Variants in GPC6 observed in about 807,000 individuals in gnomAD.
GPC6 encodes the protein glypican 6.
Under a neutral mutation model 55.2 loss-of-function variants are expected in GPC6, and 14 were observed. The observed-to-expected ratio is 0.25, with a 90% CI of 0.17 to 0.40. GPC6 has a LOEUF of 0.40. Among genes scored for constraint, GPC6 ranks in the 10% least tolerant of loss-of-function variants. GPC6 has a pLI of 1.00. For missense variants in GPC6, 641 were observed against 708.5 expected, an observed-to-expected ratio of 0.90 and a Z score of 1.08; for synonymous variants, 278 against 259.6, an observed-to-expected ratio of 1.07 and a Z score of -0.68.
At chr13:93,378,862 G>C (rs1274067483) in intron 1 of GPC6, among the ~76,000 whole-genome samples, 2 of 151,836 alleles carry the variant, frequency 1.3e-5, no homozygotes, top group Non-Finnish European at 2.9e-5. Flanking sequence ...AGGTGTGGTG[G>C]TGGGTGCCTG....
At chr13:93,488,652 G>A (rs1879828724) in intron 1 of GPC6, among the ~76,000 whole-genome samples, 1 of 152,092 alleles carries the variant, frequency 6.6e-6, no homozygotes, top group Non-Finnish European at 1.5e-5. Context: ...ACTTTTTAAT[G>A]ATCGCCATTC....
chr13:93,652,369 C>T (rs1179095695), intron 2 of GPC6, among the ~76,000 whole-genome samples: 1 of 152,170 alleles, frequency 6.6e-6, no homozygotes, highest in Non-Finnish European at 1.5e-5. Flanking sequence ...TTCCCCATTA[C>T]CTCTACTCTG....
intron 6 of GPC6, among the ~76,000 whole-genome samples, chr13:94,323,456 C>T (rs1037292642): frequency 6.6e-6 from 1 of 152,086 alleles, no homozygotes; most frequent in African/African-American, 2.4e-5. Context: ...ATAGATTAAG[C>T]TTAGCTGTTA....
At chr13:93,891,506 C>T (rs1312403403) in intron 3 of GPC6, among the ~76,000 whole-genome samples, 1 of 152,154 alleles carries the variant, frequency 6.6e-6, no homozygotes, top group African/African-American at 2.4e-5. Flanking sequence ...TGCAGAAACA[C>T]AGCTCTGGTC....
chr13:94,133,462 G>A (rs938808538), intron 4 of GPC6, among the ~76,000 whole-genome samples: 1 of 152,068 alleles, frequency 6.6e-6, no homozygotes, highest in African/African-American at 2.4e-5. Context: ...AACAGGGAAT[G>A]TATTCATTTT....
At chr13:93,249,647 C>T (rs1364385373) in intron 1 of GPC6, among the ~76,000 whole-genome samples, 1 of 152,190 alleles carries the variant, frequency 6.6e-6, no homozygotes, top group Admixed American at 6.5e-5. Flanking sequence ...TTTGATTTCA[C>T]TTTGGTCCAA....
chr13:93,643,450 A>G (rs1368636259), intron 2 of GPC6, among the ~76,000 whole-genome samples: 3 of 152,234 alleles, frequency 2.0e-5, no homozygotes, highest in Middle Eastern at 3.4e-3. Context: ...GAAATGACCC[A>G]AAGAAGTGGC....
intron 2 of GPC6, among the ~76,000 whole-genome samples, chr13:93,571,169 C>A (rs142039428): frequency 7.2e-5 from 11 of 152,066 alleles, no homozygotes; most frequent in African/African-American, 2.4e-4. Context: ...ACAGGGAGAT[C>A]TAGATTTGGC....
At chr13:93,292,782 G>A (rs1056245622) in intron 1 of GPC6, among the ~76,000 whole-genome samples, 1 of 152,028 alleles carries the variant, frequency 6.6e-6, no homozygotes, top group Non-Finnish European at 1.5e-5. Context: ...TATTCATTTA[G>A]TATTCAAATA....
At chr13:94,378,506 GA>G (rs1280546826) in intron 6 of GPC6, among the ~76,000 whole-genome samples, 2 of 152,122 alleles carry the variant, frequency 1.3e-5, no homozygotes, top group Non-Finnish European at 2.9e-5. Context: ...GTATGAGAAG[GA>G]TGCCCTCTCT....
chr13:93,849,269 T>C (rs1888311976), intron 3 of GPC6, among the ~76,000 whole-genome samples: 1 of 152,112 alleles, frequency 6.6e-6, no homozygotes, highest in Non-Finnish European at 1.5e-5. Flanking sequence ...TCTCCCACTT[T>C]ATTGTAAATA....
intron 2 of GPC6, among the ~76,000 whole-genome samples, chr13:93,770,969 G>A (rs2138891830): frequency 6.6e-6 from 1 of 150,564 alleles, no homozygotes; most frequent in African/African-American, 2.4e-5. Flanking sequence ...GGTAGCAGAG[G>A]ATGTGCTTTG....
intron 4 of GPC6, among the ~76,000 whole-genome samples, chr13:94,238,686 G>A (rs917836278): frequency 2.0e-5 from 3 of 152,152 alleles, no homozygotes; most frequent in African/African-American, 4.8e-5. Flanking sequence ...TAAGCACCGT[G>A]TGAGAAAGTA....
chr13:93,223,009 A>C (rs1875661304), upstream of GPC6, among the ~76,000 whole-genome samples: 1 of 139,406 alleles, frequency 7.2e-6, no homozygotes, highest in African/African-American at 2.7e-5. Context: ...TCCTTTAATC[A>C]GGGAAAACAC....
intron 3 of GPC6, among the ~76,000 whole-genome samples, chr13:93,995,797 C>T (rs9561485): frequency 0.14 from 21,766 of 152,102 alleles, 1,783 homozygotes; most frequent in Middle Eastern, 0.26. Flanking sequence ...TTGACAATAG[C>T]ACTGGGGATA....
intron 1 of GPC6, among the ~76,000 whole-genome samples, chr13:93,491,614 G>C (rs1355776650): frequency 2.1e-5 from 3 of 145,044 alleles, no homozygotes; most frequent in Admixed American, 6.9e-5. Flanking sequence ...GTCCTGAATG[G>C]TAATGCCTAG....
At chr13:93,598,036 CA>C (rs1325804467) in intron 2 of GPC6, among the ~76,000 whole-genome samples, 1 of 152,074 alleles carries the variant, frequency 6.6e-6, no homozygotes, top group African/African-American at 2.4e-5. Flanking sequence ...CCCAGCTACT[CA>C]GGGGGCTGAG....
At chr13:93,769,781 G>A (rs763296693) in intron 2 of GPC6, among the ~76,000 whole-genome samples, 1 of 152,192 alleles carries the variant, frequency 6.6e-6, no homozygotes, top group Non-Finnish European at 1.5e-5. Context: ...GGCCTGGGAA[G>A]GATGATTCAT....
intron 1 of GPC6, among the ~76,000 whole-genome samples, chr13:93,276,487 A>AGT (rs1877749172): frequency 1.5e-5 from 2 of 135,784 alleles, no homozygotes; most frequent in Non-Finnish European, 3.1e-5. Flanking sequence ...AGAGAGAGAG[A>AGT]GAGAGAGAGT....
Sources: gnomAD v4.1 joint callset for allele counts (sites outside exome capture counted in the v4.1 genomes callset) on GRCh38, gnomAD v4.1.1 for gene constraint, MANE v1.5 for transcripts, NCBI Gene and HGNC (gene_info 2026-07-23, HGNC 2026-07-21) for gene names.